PCDHA2: variants seen among roughly 807,000 people sequenced by gnomAD.
The protein encoded by PCDHA2 is protocadherin alpha-2.
In PCDHA2, 58 loss-of-function variants were observed where a neutral mutation model predicts 66.0. The ratio of observed to expected loss-of-function variants is 0.88; its 90% CI spans 0.71 to 1.09. The LOEUF (loss-of-function observed/expected upper bound fraction) is 1.09. Ranked by LOEUF, PCDHA2 falls within the 50% of genes least tolerant of loss-of-function variation. The probability of loss-of-function intolerance (pLI) is 0.00; values close to 1 mark genes in which losing one functional copy is unlikely to be tolerated. For missense variants in PCDHA2, 1,267 were observed against 1,242.3 expected, an observed-to-expected ratio of 1.02 and a Z score of -0.30; for synonymous variants, 634 against 554.0, an observed-to-expected ratio of 1.14 and a Z score of -2.03.
rs782310474 is a variant in PCDHA2 at position 140,858,120 on chromosome 5, T to C, written c.2388+60768T>C. 9 of 1,597,738 alleles carry C rather than the reference T, an allele frequency of 5.6e-6. 1 individual carries two copies. In the Admixed American group the frequency reaches 1.5e-4, roughly 27 times the overall value. ...GTGGGCGTGGCGCCCGAGGTGGCCC[T>C]GGTGGATGTCAACGTGTACCTGATC... On this transcript the variant is annotated intron_variant, in intron 1 of 3. Coordinates refer to ENST00000526136, the MANE Select transcript of PCDHA2 (RefSeq NM_018905.3).
intron 1 of PCDHA2, chr5:140,877,501 A>T: frequency 6.2e-7 from 1 of 1,613,804 alleles, no homozygotes; most frequent in Non-Finnish European, 8.5e-7. Flanking sequence ...CCAGGCCCCA[A>T]AGACGTCGTC....
rs782590821 is a variant in PCDHA2 at position 140,929,251 on chromosome 5, G to T, written c.2389-49698G>T. On this transcript the variant is annotated intron_variant, in intron 1 of 3. Transcript: ENST00000526136. ...CGACCTGCGAAATCTTGCCACTGGG[G>T]TAGGACTGAATTTGCCAATATCCTG... The T allele has an allele frequency of 3.1e-6, 5 of 1,613,416 alleles. No homozygotes were observed. Among genetic ancestry groups the T allele is most frequent in the African/African-American group, 1.3e-5 (1 of 74,908 alleles).
intron 1 of PCDHA2, among the ~76,000 whole-genome samples, chr5:140,901,935 GTA>G (rs200320249): frequency 0.011 from 1,607 of 151,762 alleles, 16 homozygotes; most frequent in African/African-American, 0.028. Context: ...TAATTCCTAG[GTA>G]TATTTAGTTT....
chr5:140,803,563 A>G, intron 1 of PCDHA2: 1 of 1,614,234 alleles, frequency 6.2e-7, no homozygotes, highest in Non-Finnish European at 8.5e-7. Flanking sequence ...GAGGAGAAAC[A>G]GGATGTGGAC....
In PCDHA2 at chr5:140,797,305, G is replaced by C; in HGVS notation, c.2341G>C (p.Asp781His). The C allele has an allele frequency of 6.2e-7, 1 of 1,614,228 alleles. No homozygotes were observed. The highest frequency in any genetic ancestry group is 1.3e-5 in the African/African-American group (1 of 75,076). The change falls in exon 1 of 4, where the codon GAC becomes CAC. Residue 781 changes from aspartate (D) to histidine (H), a missense_variant. By Grantham distance (81) the Asp-to-His change is moderately conservative. Coordinates refer to ENST00000526136, the MANE Select transcript of PCDHA2 (RefSeq NM_018905.3). ...AFSPSLSQGPDSAEEKQLSES... is the reference protein window; with the variant it reads ...AFSPSLSQGPHSAEEKQLSES... Reference sequence around the variant, plus strand: ...CAGCCCTAGCTTATCTCAAGGTCCAGACTCCGCAGAAGAGAAACAGCTCTC... The same window carrying C: ...CAGCCCTAGCTTATCTCAAGGTCCACACTCCGCAGAAGAGAAACAGCTCTC...
At chr5:140,938,805 A>G (rs367644327) in intron 1 of PCDHA2, among the ~76,000 whole-genome samples, 3 of 152,162 alleles carry the variant, frequency 2.0e-5, no homozygotes, top group East Asian at 3.9e-4. Context: ...TCGGTACCAC[A>G]AACCCCTGTG....
intron 1 of PCDHA2, among the ~76,000 whole-genome samples, chr5:140,800,113 G>A (rs782577375): frequency 9.9e-5 from 15 of 152,154 alleles, no homozygotes; most frequent in African/African-American, 3.6e-4. Flanking sequence ...CATCAAAAAC[G>A]TAATTACTTT....
At chr5:140,925,383 T>C (rs1554202722) in intron 1 of PCDHA2, among the ~76,000 whole-genome samples, 2 of 152,140 alleles carry the variant, frequency 1.3e-5, no homozygotes, top group African/African-American at 2.4e-5. Flanking sequence ...TCAATGAGTC[T>C]CCTTTTGGCT....
intron 1 of PCDHA2, among the ~76,000 whole-genome samples, chr5:140,896,352 A>G (rs1045413506): frequency 2.6e-5 from 4 of 152,166 alleles, no homozygotes; most frequent in African/African-American, 4.8e-5. Flanking sequence ...TCCCGCCAGC[A>G]GTGTATAAGC....
rs116377419 is a variant in PCDHA2, at chr5:140,884,621, G to A, written c.2388+87269G>A. On this transcript the variant is annotated intron_variant, in intron 1 of 3. Coordinates refer to ENST00000526136, the MANE Select transcript of PCDHA2 (RefSeq NM_018905.3). ...TCCTCCTTGTCTGGGTTCTGCAGAG[G>A]GAACAGGCCAGAGGGAGGAGGACTC... 8.0e-4 allele frequency: 1,287 copies of A among 1,613,996 alleles called. 6 individuals carry two copies. The African/African-American group carries it at 0.016, about 20-fold the overall frequency.
intron 1 of PCDHA2, among the ~76,000 whole-genome samples, chr5:140,940,287 C>T (rs190568424): frequency 6.6e-6 from 1 of 152,272 alleles, no homozygotes; most frequent in East Asian, 1.9e-4. Context: ...CATTGTGCTG[C>T]TTCATCAGTA....
At chr5:140,990,542 C>T (rs2097399330) in intron 3 of PCDHA2, among the ~76,000 whole-genome samples, 1 of 152,180 alleles carries the variant, frequency 6.6e-6, no homozygotes, top group South Asian at 2.1e-4. Context: ...ATCATAGATA[C>T]TGTATTACCC....
chr5:140,824,848 GT>G (rs1205508305), intron 1 of PCDHA2: 1 of 151,796 alleles, frequency 6.6e-6, no homozygotes, highest in African/African-American at 2.4e-5. Context: ...CACTAATTTA[GT>G]TTGTTTTCAA....
chr5:140,926,981 C>T (rs1420415867), intron 1 of PCDHA2: 3 of 1,610,216 alleles, frequency 1.9e-6, no homozygotes, highest in Admixed American at 1.7e-5. Context: ...CCGGAGGAGA[C>T]GGAGCGGGGC....
intron 1 of PCDHA2, chr5:140,807,743 G>A (rs1383891964): frequency 6.2e-7 from 1 of 1,614,054 alleles, no homozygotes. Context: ...ACCACCTGAT[G>A]ACGAGCTGGT....
At chr5:140,862,887 G>A (rs781965401) in intron 1 of PCDHA2, 8 of 562,884 alleles carry the variant, frequency 1.4e-5, no homozygotes, top group Non-Finnish European at 2.7e-5. Flanking sequence ...GTGCTGGAAC[G>A]ACAACTTTGT....
intron 1 of PCDHA2, chr5:140,883,938 A>C (rs782647232): frequency 6.2e-7 from 1 of 1,613,360 alleles, no homozygotes; most frequent in East Asian, 2.2e-5. Context: ...TTCGTGCTGG[A>C]CGAGAACGAC....
At chr5:140,813,650 T>C (rs1765354351) in intron 1 of PCDHA2, 1 of 152,178 alleles carries the variant, frequency 6.6e-6, no homozygotes, top group African/African-American at 2.4e-5. Flanking sequence ...TGTGCACTAA[T>C]GTAGACTTTA....
Position 140,884,183 on chromosome 5 carries a change from G to T in PCDHA2, c.2388+86831G>T, listed in dbSNP as rs201206731. 6.2e-6 allele frequency: 10 copies of T among 1,613,306 alleles called. No individual in the cohort carries two copies. The East Asian group carries it at 6.7e-5, about 11-fold the overall frequency. The stretch of plus-strand genomic sequence containing the variant: ...GATCAGCACGACGCGCCCTCTGGAC[G>T]AGGTGGACGCGCCGCACCACCGCCT... On this transcript the variant is annotated intron_variant, in intron 1 of 3. Transcript: ENST00000526136.
Sources: allele counts gnomAD v4.1 joint callset (sites outside exome capture counted in the v4.1 genomes callset), GRCh38; gene constraint gnomAD v4.1.1; transcripts MANE v1.5; gene names NCBI Gene and HGNC (gene_info 2026-07-23, HGNC 2026-07-21).